The following TCERG1 variants were observed in gnomAD, a reference collection of about 807,000 sequenced individuals.
TCERG1 encodes transcription elongation regulator 1.
In TCERG1, 37 loss-of-function variants were observed where a neutral mutation model predicts 144.7. The ratio of observed to expected loss-of-function variants is 0.26; its 90% CI spans 0.20 to 0.34. The LOEUF is 0.34. Ranked by LOEUF, TCERG1 falls within the 10% of genes least tolerant of loss-of-function variation. The pLI, the probability that TCERG1 is intolerant of heterozygous loss-of-function variation, is 1.00. For synonymous variants in TCERG1, 492 were observed against 458.2 expected (o/e 1.07, Z -0.94); for missense variants, 1,027 against 1,380.7 (o/e 0.74, Z 4.06).
chr5:146,459,784 A>G (rs902864305), intron 4 of TCERG1, among the ~76,000 whole-genome samples: 1 of 152,244 alleles, frequency 6.6e-6, no homozygotes. Flanking sequence ...CTACATGGGT[A>G]TTTATCATGA....
chr5:146,496,558 T>C (rs7730979), intron 16 of TCERG1, among the ~76,000 whole-genome samples: 27,142 of 152,168 alleles, frequency 0.18, 3,708 homozygotes, highest in East Asian at 0.79. Context: ...TTTTAGGTTC[T>C]TTTTAATATT....
intron 10 of TCERG1, 79 bp from the exon 11 acceptor site, chr5:146,479,776 A>T: frequency 7.1e-7 from 1 of 1,406,742 alleles, no homozygotes. Flanking sequence ...TATATTATGT[A>T]AACAGTAATT....
chr5:146,463,862 G>A (rs888883524), intron 5 of TCERG1, 69 bp downstream of exon 5: 1 of 1,584,584 alleles, frequency 6.3e-7, no homozygotes, highest in Non-Finnish European at 8.6e-7. Flanking sequence ...GTTCTCATGT[G>A]TCTGTTGCGT....
chr5:146,509,328 A>G lies in TCERG1; in HGVS notation c.3146+83A>G, dbSNP rs1581592391. ...AATGGTCAGAGCATTCTTTGCATTC[A>G]CACACATGTTGACATTATTAATTTT... is the stretch of plus-strand genomic sequence containing the variant. On this transcript the variant is annotated intron_variant, in intron 22 of 22. Transcript: ENST00000679501. 6.5e-6 allele frequency: 6 copies of G among 927,378 alleles called. No homozygotes were observed. The East Asian group carries it at 1.3e-4, about 20-fold the overall frequency. The allele number at this position is 927,378 out of a possible 1,614,324, so 57.4% of individuals were successfully genotyped here. A position where few individuals can be genotyped will look rare whatever the true frequency, so the allele number is the denominator to read the frequency against.
At chr5:146,456,739 A>G (rs767451564) in intron 2 of TCERG1, among the ~76,000 whole-genome samples, 3 of 152,238 alleles carry the variant, frequency 2.0e-5, no homozygotes, top group Non-Finnish European at 4.4e-5. Context: ...ATCCCTGCTC[A>G]AAATGTTTTT....
intron 8 of TCERG1, 70 bp from the exon 9 acceptor site, chr5:146,471,418 C>A: frequency 7.1e-7 from 1 of 1,408,542 alleles, no homozygotes; most frequent in Non-Finnish European, 9.7e-7. Flanking sequence ...AGCTGTTTGC[C>A]TTCATGTTTT....
rs943615952 is a variant in TCERG1 at position 146,472,475 on chromosome 5, T to G, written c.1601+899T>G. ...GATCAGTGATCTTTTATGTTACTGT[T>G]GTAATTGTTTTGGGGTGCCACAAAC... On this transcript the variant is annotated intron_variant, in intron 9 of 22. Coordinates refer to ENST00000679501, the MANE Select transcript of TCERG1 (RefSeq NM_001382548.1). Among the ~76,000 whole-genome samples the G allele has an allele frequency of 2.6e-5, 4 of 152,296 alleles. No individual in the cohort carries two copies. The East Asian group carries it at 7.7e-4, about 29-fold the overall frequency.
chr5:146,501,295 A>C (rs1767422940), intron 17 of TCERG1, among the ~76,000 whole-genome samples: 1 of 152,024 alleles, frequency 6.6e-6, no homozygotes. Flanking sequence ...GCTAATGGTA[A>C]ATGACATTTT....
chr5:146,477,548 A>G (rs1742643397), intron 9 of TCERG1, among the ~76,000 whole-genome samples: 1 of 151,504 alleles, frequency 6.6e-6, no homozygotes, highest in South Asian at 2.1e-4. Context: ...CTGTTTATTC[A>G]TTAAGACTAT....
Position 146,511,523 on chromosome 5 carries a change from G to C in TCERG1, c.*881G>C. 1 of 151,666 alleles carries C rather than the reference G, an allele frequency of 6.6e-6. No individual in the cohort carries two copies. The highest frequency in any genetic ancestry group is 2.0e-4 in the East Asian group (1 of 5,114). 9.4% of individuals were successfully genotyped at this position (151,666 alleles called of 1,614,324 possible). A position where few individuals can be genotyped will look rare whatever the true frequency, so the allele number is the denominator to read the frequency against. On this transcript the variant is annotated 3_prime_UTR_variant, in exon 23 of 23. Coordinates refer to ENST00000679501, the MANE Select transcript of TCERG1 (RefSeq NM_001382548.1). ...CTTTTTATATATCTGTATTGTATAT[G>C]ATTATTGTTACTTAATTTTTAAGAG...
intron 1 of TCERG1, among the ~76,000 whole-genome samples, chr5:146,450,255 A>T (rs920816815): frequency 1.3e-5 from 2 of 152,230 alleles, no homozygotes; most frequent in African/African-American, 4.8e-5. Context: ...GAAGTGGGAA[A>T]ACAGTTTGAG....
chr5:146,498,439 T>G, intron 16 of TCERG1, 97 bp from the exon 17 acceptor site: 2 of 1,320,130 alleles, frequency 1.5e-6, no homozygotes, highest in Non-Finnish European at 2.1e-6. Flanking sequence ...AGTGTCTCTT[T>G]GTCATATACT....
rs1581445629 is a variant in TCERG1, at chr5:146,471,672, C to T, written c.1601+96C>T. ...GGAGTGCAGTGGCACGATCTGGGCT[C>T]ACTGCAACCTCCACCTCCCTAGTTC... is the stretch of plus-strand genomic sequence containing the variant. On this transcript the variant is annotated intron_variant, in intron 9 of 22. Coordinates refer to ENST00000679501, the MANE Select transcript of TCERG1 (RefSeq NM_001382548.1). 5.3e-6 allele frequency: 5 copies of T among 944,070 alleles called. No homozygotes were observed. In the East Asian group the frequency reaches 7.8e-5, roughly 15 times the overall value. The allele number at this position is 944,070 out of a possible 1,614,324, so 58.5% of individuals were successfully genotyped here. A position where few individuals can be genotyped will look rare whatever the true frequency, so the allele number is the denominator to read the frequency against.
At chr5:146,491,757 A>G (rs937397811) in intron 15 of TCERG1, among the ~76,000 whole-genome samples, 24 of 152,278 alleles carry the variant, frequency 1.6e-4, no homozygotes, top group African/African-American at 5.5e-4. Flanking sequence ...CAAATTTTTA[A>G]GAGTCAGATA....
Position 146,471,575 on chromosome 5 carries a change from T to C in TCERG1, c.1600T>C (p.Trp534Arg). The change falls in exon 9 of 23, where the codon TGG (tryptophan) becomes CGG (arginine). Residue 534 changes from tryptophan (W) to arginine (R), a missense_variant and splice_region_variant. Transcript: ENST00000679501. ...TACTGCTCCTATTCCTGGTACTCCA[T>C]GGTATGTATTTGGCTCAAGTAGTAA... Reference protein sequence around the residue: ...VATAPIPGTPWCVVWTGDERV... With the variant: ...VATAPIPGTPRCVVWTGDERV... 6.2e-7 allele frequency: 1 copy of C among 1,610,388 alleles called. No individual in the cohort carries two copies. The highest frequency in any genetic ancestry group is 8.5e-7 in the Non-Finnish European group (1 of 1,178,680).
chr5:146,456,905 C>T (rs1365787201), intron 2 of TCERG1, among the ~76,000 whole-genome samples: 2 of 152,096 alleles, frequency 1.3e-5, no homozygotes, highest in African/African-American at 2.4e-5. Flanking sequence ...AGTAATCCAG[C>T]GCCCTGTGTG....
chr5:146,492,373 G>A (rs1766511043), intron 15 of TCERG1, among the ~76,000 whole-genome samples: 1 of 151,994 alleles, frequency 6.6e-6, no homozygotes, highest in Admixed American at 6.5e-5. Flanking sequence ...AATCATTGTT[G>A]GGTTATGACT....
In TCERG1 at chr5:146,511,569, A is replaced by AAG. The variant is rs1554105062; in HGVS notation, c.*928_*929insGA. The AAG allele has an allele frequency of 1.3e-5, 2 of 152,416 alleles. No homozygotes were observed. Among genetic ancestry groups the AAG allele is most frequent in the Admixed American group, 6.5e-5 (1 of 15,270 alleles). The allele number at this position is 152,416 out of a possible 1,614,324, so 9.4% of individuals were successfully genotyped here. A position where few individuals can be genotyped will look rare whatever the true frequency, so the allele number is the denominator to read the frequency against. ...AAGAGCTTATTTTAACCTGTTTTTA[A>AAG]AAGCAGCAAATAGAATTTCCCACAA... is the stretch of plus-strand genomic sequence containing the variant. On this transcript the variant is annotated 3_prime_UTR_variant, in exon 23 of 23. Coordinates refer to ENST00000679501, the MANE Select transcript of TCERG1 (RefSeq NM_001382548.1).
At chr5:146,462,970 A>G (rs1446522974) in intron 4 of TCERG1, among the ~76,000 whole-genome samples, 4 of 152,162 alleles carry the variant, frequency 2.6e-5, no homozygotes, top group African/African-American at 7.2e-5. Flanking sequence ...ATTCTACTAG[A>G]TAATTTTCTC....
Sources: gnomAD v4.1 joint callset for allele counts (sites outside exome capture counted in the v4.1 genomes callset) on GRCh38, gnomAD v4.1.1 for gene constraint, MANE v1.5 for transcripts, NCBI Gene and HGNC (gene_info 2026-07-23, HGNC 2026-07-21) for gene names.